The following CD9 variants were observed in gnomAD, a reference collection of about 807,000 sequenced individuals.
CD9 encodes CD9 molecule.
CD9 carries 10 observed loss-of-function variants against 31.4 expected under a neutral mutation model. That is an observed-to-expected ratio of 0.32 (90% CI 0.20 to 0.54). The LOEUF is 0.54. Among genes scored for constraint, CD9 ranks in the 20% least tolerant of loss-of-function variants. The pLI is 0.94. For missense variants in CD9, 259 were observed against 300.1 expected (o/e 0.86, Z 1.01); for synonymous variants, 113 against 114.1 (o/e 0.99, Z 0.06).
At chr12:6,229,514 C>A (rs1320086659) in intron 2 of CD9, among the ~76,000 whole-genome samples, 1 of 152,222 alleles carries the variant, frequency 6.6e-6, no homozygotes, top group African/African-American at 2.4e-5. Context: ...TTCCCGTGAA[C>A]TCGGGAGGGC....
At chr12:6,237,387 G>GAA (rs768020275) in intron 7 of CD9, among the ~76,000 whole-genome samples, 4 of 146,244 alleles carry the variant, frequency 2.7e-5, no homozygotes, top group Non-Finnish European at 4.5e-5. Context: ...CATCTCAAAA[G>GAA]AAAAAAAAAA....
intron 1 of CD9, among the ~76,000 whole-genome samples, chr12:6,202,783 T>C (rs1389429403): frequency 1.3e-5 from 2 of 152,250 alleles, no homozygotes; most frequent in East Asian, 3.8e-4. Flanking sequence ...TTGGAATGAC[T>C]TTTGAAGATC....
chr12:6,220,823 C>T (rs1347767285), intron 1 of CD9, among the ~76,000 whole-genome samples: 1 of 152,230 alleles, frequency 6.6e-6, no homozygotes, highest in Non-Finnish European at 1.5e-5. Flanking sequence ...TGTACCATCT[C>T]ATATTACTGT....
intron 1 of CD9, among the ~76,000 whole-genome samples, chr12:6,219,780 T>C (rs1237076347): frequency 6.6e-6 from 1 of 152,220 alleles, no homozygotes; most frequent in Admixed American, 6.5e-5. Context: ...CCACTGCGCC[T>C]GGCCTCTTTG....
chr12:6,204,689 A>C (rs1271902650), intron 1 of CD9, among the ~76,000 whole-genome samples: 2 of 152,196 alleles, frequency 1.3e-5, no homozygotes, highest in Non-Finnish European at 2.9e-5. Flanking sequence ...TTAAATGGGG[A>C]GTATGTGTAG....
At chr12:6,235,158 C>G in intron 4 of CD9, 71 bp from the exon 5 acceptor site, 1 of 1,090,008 alleles carries the variant, frequency 9.2e-7, no homozygotes, top group Non-Finnish European at 1.4e-6. Flanking sequence ...CAAGATGGAA[C>G]GCATAACATT....
intron 1 of CD9, among the ~76,000 whole-genome samples, chr12:6,205,042 A>G (rs1484855354): frequency 6.6e-6 from 1 of 152,234 alleles, no homozygotes; most frequent in African/African-American, 2.4e-5. Flanking sequence ...CAGGGCATGG[A>G]CAAGTTGGGT....
At chr12:6,221,815 A>C (rs1946295383) in intron 1 of CD9, among the ~76,000 whole-genome samples, 1 of 115,166 alleles carries the variant, frequency 8.7e-6, no homozygotes, top group African/African-American at 2.7e-5. Context: ...TGGCTCTACA[A>C]AAAAAAAAAA....
At chr12:6,202,672 G>A (rs1946090042) in intron 1 of CD9, among the ~76,000 whole-genome samples, 1 of 152,244 alleles carries the variant, frequency 6.6e-6, no homozygotes, top group South Asian at 2.1e-4. Context: ...TCCTCAGCCT[G>A]CCACCCCACT....
At chr12:6,210,444 G>A (rs528584786) in intron 1 of CD9, among the ~76,000 whole-genome samples, 1 of 152,316 alleles carries the variant, frequency 6.6e-6, no homozygotes, top group South Asian at 2.1e-4. Flanking sequence ...GGGAGAGGAA[G>A]CACCGGCTGT....
At chr12:6,209,029 C>T (rs576631872) in intron 1 of CD9, among the ~76,000 whole-genome samples, 8 of 151,788 alleles carry the variant, frequency 5.3e-5, no homozygotes, top group East Asian at 3.9e-4. Context: ...AGTGCAGTGG[C>T]GCAATCTTGG....
Position 6,232,571 on chromosome 12 carries a change from A to G in CD9, c.176-61A>G. On this transcript the variant is annotated intron_variant, in intron 2 of 7. Transcript: ENST00000009180. The surrounding 1 kb of genome is among the most constrained non-coding windows in gnomAD (Gnocchi z 4.8). ...GGCAGAGGGAAACAGGAATTGCCGG[A>G]GATGCCTGGGCCTCTGAACTGATGT... 9.9e-7 allele frequency: 1 copy of G among 1,012,436 alleles called. No individual in the cohort carries two copies. Among genetic ancestry groups the G allele is most frequent in the South Asian group, 1.4e-5 (1 of 73,474 alleles). The allele number at this position is 1,012,436 out of a possible 1,614,324, so 62.7% of individuals were successfully genotyped here.
chr12:6,229,993 T>A (rs1173459067), intron 2 of CD9, among the ~76,000 whole-genome samples: 1 of 152,200 alleles, frequency 6.6e-6, no homozygotes, highest in Admixed American at 6.5e-5. Flanking sequence ...CACTTTGTCA[T>A]TTATCAACAG....
chr12:6,223,503 C>T (rs1296625793), intron 1 of CD9, among the ~76,000 whole-genome samples: 2 of 152,090 alleles, frequency 1.3e-5, no homozygotes, highest in Non-Finnish European at 2.9e-5. Context: ...CCTCGTGATC[C>T]ACCCGCCTCA....
At chr12:6,223,598 G>A (rs575293609) in intron 1 of CD9, among the ~76,000 whole-genome samples, 3,893 of 152,064 alleles carry the variant, frequency 0.026, 150 homozygotes, top group African/African-American at 0.082. Flanking sequence ...CCTGGGGGGG[G>A]ACCCAGGCCA....
chr12:6,217,325 C>T (rs1171014164), intron 1 of CD9, among the ~76,000 whole-genome samples: 2 of 151,852 alleles, frequency 1.3e-5, no homozygotes, highest in African/African-American at 4.8e-5. Context: ...AGTTCAAGAC[C>T]AGCCTGAGCA....
intron 1 of CD9, among the ~76,000 whole-genome samples, chr12:6,214,030 A>C (rs967486706): frequency 6.6e-6 from 1 of 152,188 alleles, no homozygotes; most frequent in African/African-American, 2.4e-5. Flanking sequence ...CATCTTTCCC[A>C]GTCACCCCCT....
At chr12:6,208,317 G>T (rs1946155033) in intron 1 of CD9, among the ~76,000 whole-genome samples, 1 of 151,834 alleles carries the variant, frequency 6.6e-6, no homozygotes. Flanking sequence ...AGGCTAAGCA[G>T]CTGGTGGCTC....
chr12:6,233,045 G>A (rs767277989), intron 3 of CD9: 1 of 702,230 alleles, frequency 1.4e-6, no homozygotes, highest in South Asian at 1.5e-5. Flanking sequence ...AATCTGTTTT[G>A]GTCTTTTCCG....
Sources: gnomAD v4.1 joint callset for allele counts (sites outside exome capture counted in the v4.1 genomes callset) on GRCh38, gnomAD v4.1.1 for gene constraint, Gnocchi (gnomAD v3.1) non-coding constraint, MANE v1.5 for transcripts, NCBI Gene and HGNC (gene_info 2026-07-23, HGNC 2026-07-21) for gene names.